The following CHD7 variants were observed in gnomAD, a reference collection of about 807,000 sequenced individuals.
CHD7 encodes the protein ATP-dependent chromatin remodeler CHD7.
CHD7 carries 24 observed loss-of-function variants against 307.3 expected under a neutral mutation model. The observed-to-expected ratio is 0.08, with a 90% CI of 0.06 to 0.11. CHD7 has a LOEUF of 0.11. CHD7 is among the 10% of genes least tolerant of loss of function. The pLI, the probability that CHD7 is intolerant of heterozygous loss-of-function variation, is 1.00. For synonymous variants in CHD7, 1,363 were observed against 1,349.9 expected (o/e 1.01, Z -0.21); for missense variants, 3,106 against 3,727.1 (o/e 0.83, Z 4.34).
In CHD7 at chr8:60,742,969, A is replaced by G. The variant is rs957224882; in HGVS notation, c.1537A>G (p.Thr513Ala). The change falls in exon 2 of 38, where the codon ACC becomes GCC. Residue 513 changes from threonine to alanine, a missense_variant. This residue lies in a region of CHD7 where 998 missense variants were observed against 1,004.5 expected (regional missense o/e 0.99). Coordinates refer to ENST00000423902, the MANE Select transcript of CHD7 (RefSeq NM_017780.4). ...ACAGCCATCTTTTCAGCAGTTGCCA[A>G]CCTGTCCTCCACTGCAGCCTCACCC... ...GQQPSFQQLPTCPPLQPHPGL... is the reference protein window; with the variant it reads ...GQQPSFQQLPACPPLQPHPGL... The G allele has an allele frequency of 6.2e-7, 1 of 1,613,552 alleles. No individual in the cohort carries two copies. The highest frequency in any genetic ancestry group is 8.5e-7 in the Non-Finnish European group (1 of 1,179,684).
At position 60,854,505 on chromosome 8, in the gene CHD7, C is replaced by G. The variant is rs779371348; in HGVS notation, c.6918C>G (p.Ala2306=). ...VAQLLHERTF[A]FSFWPKDRVM... ...AGCTCCTTCATGAAAGAACATTTGC[C>G]TTCTCGTTTTGGCCTAAGGTTGGCA... Residue 2306 remains alanine, a synonymous_variant, in exon 32 of 38, where the codon GCC becomes GCG. Coordinates refer to ENST00000423902, the MANE Select transcript of CHD7 (RefSeq NM_017780.4). The G allele has an allele frequency of 3.1e-6, 5 of 1,601,890 alleles. No homozygotes were observed. The South Asian group carries it at 3.3e-5, about 11-fold the overall frequency.
chr8:60,769,199 C>T (rs1810603714), intron 2 of CHD7, among the ~76,000 whole-genome samples: 1 of 152,176 alleles, frequency 6.6e-6, no homozygotes, highest in Non-Finnish European at 1.5e-5. Flanking sequence ...GATGCTAAGG[C>T]CAGGCTAAAT....
chr8:60,767,466 A>G (rs993044139), intron 2 of CHD7, among the ~76,000 whole-genome samples: 1 of 152,178 alleles, frequency 6.6e-6, no homozygotes, highest in African/African-American at 2.4e-5. Flanking sequence ...GACTGAAAGA[A>G]TGTTGCTACA....
intron 2 of CHD7, among the ~76,000 whole-genome samples, chr8:60,765,982 A>G (rs1031969423): frequency 6.6e-6 from 1 of 152,210 alleles, no homozygotes; most frequent in African/African-American, 2.4e-5. Context: ...TATAACAGAG[A>G]GTAGTGGTGT....
At chr8:60,764,243 C>A (rs984339009) in intron 2 of CHD7, among the ~76,000 whole-genome samples, 13 of 152,182 alleles carry the variant, frequency 8.5e-5, no homozygotes, top group African/African-American at 3.1e-4. Flanking sequence ...CCCGCCTCGG[C>A]CTCCCAAAGT....
intron 15 of CHD7, among the ~76,000 whole-genome samples, chr8:60,831,431 T>G (rs1804516418): frequency 6.6e-6 from 1 of 152,084 alleles, no homozygotes; most frequent in East Asian, 1.9e-4. Flanking sequence ...TGAGGAACTT[T>G]CCCAAAGTAA....
At position 60,852,940 on chromosome 8, in the gene CHD7, C is replaced by T. The variant is rs752105151; in HGVS notation, c.6215C>T (p.Pro2072Leu). Residue 2072 changes from proline (P) to leucine (L), a missense_variant, in exon 31 of 38, where the codon CCC (proline) becomes CTC (leucine). Physicochemically the swap from Pro to Leu is moderately conservative, Grantham distance 98 (BLOSUM62 -3). Around this residue, in one of 10 missense-constraint regions of CHD7, gnomAD observed 1,030 missense variants for 1,165.4 expected, o/e 0.88. Coordinates refer to ENST00000423902, the MANE Select transcript of CHD7 (RefSeq NM_017780.4). ...ATCCGCGAGCAGGTTCTCCATCACC[C>T]CCAGCTGGGAGAGAGGCTTAAGCTC... ...RKIREQVLHH[P>L]QLGERLKLCQ... 2 of 1,613,972 alleles carry T rather than the reference C, an allele frequency of 1.2e-6. No individual in the cohort carries two copies. The highest frequency in any genetic ancestry group is 2.2e-5 in the South Asian group (2 of 91,080).
intron 13 of CHD7, 43 bp downstream of exon 13, chr8:60,824,059 T>C (rs1804162438): frequency 6.4e-7 from 1 of 1,552,172 alleles, no homozygotes; most frequent in East Asian, 2.3e-5. Flanking sequence ...TGAATAGAAT[T>C]GTTGCTGACT....
chr8:60,703,196 A>G (rs1334358057), intron 1 of CHD7, among the ~76,000 whole-genome samples: 1 of 152,158 alleles, frequency 6.6e-6, no homozygotes, highest in Non-Finnish European at 1.5e-5. Context: ...AACTATTTTT[A>G]AGTGTACAGT....
chr8:60,709,786 TTAAA>T (rs1489103597), intron 1 of CHD7, among the ~76,000 whole-genome samples: 1 of 152,216 alleles, frequency 6.6e-6, no homozygotes, highest in Non-Finnish European at 1.5e-5. Flanking sequence ...ATGTTGTACT[TTAAA>T]TACAATTTTC....
chr8:60,783,269 G>A (rs1811346392), intron 3 of CHD7, among the ~76,000 whole-genome samples: 1 of 152,114 alleles, frequency 6.6e-6, no homozygotes. Context: ...GTCCTTTGGG[G>A]CAGATATTAA....
rs774815426 is a variant in CHD7 at position 60,853,104 on chromosome 8, G to A, written c.6379G>A (p.Ala2127Thr). Reference sequence around the variant, plus strand: ...TGACCCTGAGTTATCCTTCTTGGATGCACATAAAAACTTTGCTCAAAACAG... The same window carrying A: ...TGACCCTGAGTTATCCTTCTTGGATACACATAAAAACTTTGCTCAAAACAG... ...LNDPELSFLD[A>T]HKNFAQNRGA... Residue 2127 changes from alanine (A) to threonine (T), a missense_variant, in exon 31 of 38, where the codon GCA (alanine) becomes ACA (threonine). Ala to Thr is a moderately conservative substitution (Grantham distance 58). Around this residue, in one of 10 missense-constraint regions of CHD7, gnomAD observed 1,030 missense variants for 1,165.4 expected, o/e 0.88. Coordinates refer to ENST00000423902, the MANE Select transcript of CHD7 (RefSeq NM_017780.4). 10 of 1,613,960 alleles carry A rather than the reference G, an allele frequency of 6.2e-6. No individual in the cohort carries two copies. In the East Asian group the frequency reaches 1.8e-4, roughly 29 times the overall value.
rs962464832 is a variant in CHD7, at chr8:60,848,501, G to C, written c.5211-14G>C. 2.5e-6 allele frequency: 4 copies of C among 1,604,944 alleles called. No homozygotes were observed. Among genetic ancestry groups the C allele is most frequent in the Non-Finnish European group, 2.6e-6 (3 of 1,174,136 alleles). On this transcript the variant is annotated splice_polypyrimidine_tract_variant and intron_variant, in intron 23 of 37. Coordinates refer to ENST00000423902, the MANE Select transcript of CHD7 (RefSeq NM_017780.4). ...AAGTTAAGAACTTTTTCCCCCCTCT[G>C]TCTTCCTCTCCAGGGTCCTGCTGCG...
At position 60,742,849 on chromosome 8, in the gene CHD7, G is replaced by A. The variant is rs747717847; in HGVS notation, c.1417G>A (p.Gly473Arg). The A allele has an allele frequency of 2.5e-6, 4 of 1,612,828 alleles. No individual in the cohort carries two copies. Among genetic ancestry groups the A allele is most frequent in the Admixed American group, 1.7e-5 (1 of 59,836 alleles). Residue 473 changes from glycine (G) to arginine (R), a missense_variant, in exon 2 of 38, where the codon GGG becomes AGG. Around this residue, in one of 10 missense-constraint regions of CHD7, gnomAD observed 998 missense variants for 1,004.5 expected, o/e 0.99. Transcript: ENST00000423902. Reference protein sequence around the residue: ...GMSSAPRELTGHMRPNGCPGV... With the variant: ...GMSSAPRELTRHMRPNGCPGV... ...GTCCTCGGCACCAAGGGAATTGACTGGGCACATGAGGCCAAATGGTTGTCC... is the reference window on the plus strand; with the variant it reads ...GTCCTCGGCACCAAGGGAATTGACTAGGCACATGAGGCCAAATGGTTGTCC...
chr8:60,860,551 C>T (rs1182193447), intron 34 of CHD7, among the ~76,000 whole-genome samples: 2 of 152,254 alleles, frequency 1.3e-5, no homozygotes, highest in African/African-American at 4.8e-5. Context: ...TCTCCTGCCC[C>T]AGCCTCCCAG....
intron 33 of CHD7, 91 bp from the exon 34 acceptor site, chr8:60,856,354 A>T: frequency 7.5e-7 from 1 of 1,336,788 alleles, no homozygotes; most frequent in Non-Finnish European, 1.0e-6. Context: ...TTAATTCCTT[A>T]AGCTTCTTGT....
chr8:60,833,002 C>G (rs1198347826), intron 15 of CHD7, among the ~76,000 whole-genome samples: 1 of 152,170 alleles, frequency 6.6e-6, no homozygotes, highest in African/African-American at 2.4e-5. Context: ...GTGTAGATAA[C>G]ATACAAACTA....
In CHD7 at chr8:60,822,661, C is replaced by T; in HGVS notation, c.3116C>T (p.Thr1039Ile). Residue 1039 changes from threonine (T) to isoleucine (I), a missense_variant, in exon 12 of 38, where the codon ACA (threonine) becomes ATA (isoleucine). Thr to Ile is a moderately conservative substitution (Grantham distance 89). Coordinates refer to ENST00000423902, the MANE Select transcript of CHD7 (RefSeq NM_017780.4). ...PNWEREFRTW[T>I]ELNVVVYHGS... Reference sequence around the variant, plus strand: ...TGGGAAAGGGAATTCCGAACCTGGACAGAGTTGAACGTGGTTGTGTATCAT... The same window carrying T: ...TGGGAAAGGGAATTCCGAACCTGGATAGAGTTGAACGTGGTTGTGTATCAT... 1.2e-6 allele frequency: 2 copies of T among 1,613,826 alleles called. No homozygotes were observed. The highest frequency in any genetic ancestry group is 1.7e-6 in the Non-Finnish European group (2 of 1,179,760).
Position 60,866,156 on chromosome 8 carries a change from A to C in CHD7, c.*223A>C. The C allele has an allele frequency of 2.5e-6, 1 of 405,526 alleles. No individual in the cohort carries two copies. Among genetic ancestry groups the C allele is most frequent in the Non-Finnish European group, 4.4e-6 (1 of 228,030 alleles). The allele number at this position is 405,526 out of a possible 1,614,324, so 25.1% of individuals were successfully genotyped here. A position where few individuals can be genotyped will look rare whatever the true frequency, so the allele number is the denominator to read the frequency against. On this transcript the variant is annotated 3_prime_UTR_variant, in exon 38 of 38. Transcript: ENST00000423902. The stretch of plus-strand genomic sequence containing the variant: ...TTATCCCTAGGAGAGATGAAATTTG[A>C]GAGGTGATCATGTCTTTTTAAGGAA...
Sources: allele counts gnomAD v4.1 joint callset (sites outside exome capture counted in the v4.1 genomes callset), GRCh38; gene constraint gnomAD v4.1.1; regional missense constraint gnomAD v4.1.1; transcripts MANE v1.5; gene names NCBI Gene and HGNC (gene_info 2026-07-23, HGNC 2026-07-21).